The following WDPCP variants were observed in gnomAD, a reference collection of about 807,000 sequenced individuals.
WDPCP encodes WD repeat-containing and planar cell polarity effector protein fritz homolog.
Under a neutral mutation model 93.1 loss-of-function variants are expected in WDPCP, and 71 were observed. The observed-to-expected ratio is 0.76, with a 90% CI of 0.63 to 0.93. The LOEUF is 0.93. Ranked by LOEUF, WDPCP falls within the 40% of genes least tolerant of loss-of-function variation. The pLI, the probability that WDPCP is intolerant of heterozygous loss-of-function variation, is 0.00. For missense variants in WDPCP, 844 were observed against 887.4 expected (o/e 0.95, Z 0.62); for synonymous variants, 315 against 315.0 (o/e 1.00, Z 0.00).
intron 2 of WDPCP, among the ~76,000 whole-genome samples, chr2:63,706,677 C>T (rs1264078685): frequency 4.6e-5 from 6 of 129,800 alleles, no homozygotes; most frequent in African/African-American, 5.9e-5. Flanking sequence ...ACTGCAGTGG[C>T]GCAATCTCGG....
intron 7 of WDPCP, among the ~76,000 whole-genome samples, chr2:63,438,318 C>A (rs1175725799): frequency 7.4e-6 from 1 of 135,394 alleles, no homozygotes; most frequent in Admixed American, 7.3e-5. Context: ...CCTGACCATA[C>A]AAACAGTGAC....
intron 14 of WDPCP, among the ~76,000 whole-genome samples, chr2:63,238,772 G>T (rs760659897): frequency 2.6e-5 from 4 of 152,114 alleles, no homozygotes; most frequent in Non-Finnish European, 4.4e-5. Flanking sequence ...GTAGAATAGG[G>T]GAGTAATAGG....
At chr2:63,297,817 A>T (rs1684986129) in intron 13 of WDPCP, among the ~76,000 whole-genome samples, 1 of 152,220 alleles carries the variant, frequency 6.6e-6, no homozygotes, top group African/African-American at 2.4e-5. Context: ...GTTTTAACTA[A>T]TGCACAGGTT....
intron 11 of WDPCP, among the ~76,000 whole-genome samples, chr2:63,380,520 C>T (rs764778328): frequency 7.2e-5 from 11 of 151,998 alleles, no homozygotes; most frequent in Non-Finnish European, 1.5e-4. Flanking sequence ...GCAGGCAGAT[C>T]ACTTGAGGCC....
At chr2:63,588,070 T>G in intron 1 of WDPCP, 127 bp downstream of exon 1, 1 of 1,192,184 alleles carries the variant, frequency 8.4e-7, no homozygotes. Flanking sequence ...CATACTCCGC[T>G]CAGAAAAGGG....
intron 3 of WDPCP, 46 bp downstream of exon 3, chr2:63,487,401 G>T: frequency 7.4e-7 from 1 of 1,351,610 alleles, no homozygotes; most frequent in Non-Finnish European, 1.1e-6. Flanking sequence ...TCATGGTTTA[G>T]AATATTTAGT....
intron 2 of WDPCP, among the ~76,000 whole-genome samples, chr2:63,745,670 T>A (rs995983292): frequency 3.4e-5 from 5 of 148,272 alleles, no homozygotes; most frequent in Admixed American, 6.7e-5. Flanking sequence ...ACACACACAC[T>A]TGTACTCCAT....
At chr2:63,693,504 G>A (rs989093540) in intron 2 of WDPCP, among the ~76,000 whole-genome samples, 2 of 150,920 alleles carry the variant, frequency 1.3e-5, no homozygotes, top group African/African-American at 2.4e-5. Flanking sequence ...TGGAGGTGGT[G>A]GGAGTTGAAT....
In WDPCP at chr2:63,171,069, A is replaced by T. The variant is rs181178656; in HGVS notation, c.2078+3601T>A. On this transcript the variant is annotated intron_variant, in intron 15 of 17. Coordinates refer to ENST00000272321, the MANE Select transcript of WDPCP (RefSeq NM_015910.7). Reference sequence around the variant, plus strand: ...TTATTCACATCCTACATAAAAATTAACTCAAAATGGACTTTAAGAGCTGGA... The same window carrying T: ...TTATTCACATCCTACATAAAAATTATCTCAAAATGGACTTTAAGAGCTGGA... Among the ~76,000 whole-genome samples the T allele has an allele frequency of 1.1e-4, 16 of 152,278 alleles. No individual in the cohort carries two copies. The East Asian group carries it at 2.9e-3, about 28-fold the overall frequency.
intron 1 of WDPCP, among the ~76,000 whole-genome samples, chr2:63,516,528 C>T (rs1702561995): frequency 6.6e-6 from 1 of 152,114 alleles, no homozygotes; most frequent in Admixed American, 6.5e-5. Flanking sequence ...GGTAGCCAGC[C>T]ACTGTGTTGT....
chr2:63,809,476 A>G (rs1457522030), intron 2 of WDPCP, among the ~76,000 whole-genome samples: 3 of 152,046 alleles, frequency 2.0e-5, no homozygotes, highest in African/African-American at 4.8e-5. Flanking sequence ...CAAAGGGGGG[A>G]AAGGTGGGGA....
At chr2:63,580,161 C>T (rs1708402150) in intron 1 of WDPCP, among the ~76,000 whole-genome samples, 1 of 152,070 alleles carries the variant, frequency 6.6e-6, no homozygotes, top group African/African-American at 2.4e-5. Flanking sequence ...GTAGGAGCAG[C>T]AAACAAAGGC....
chr2:63,293,872 T>C (rs1684633405), intron 13 of WDPCP, among the ~76,000 whole-genome samples: 1 of 152,004 alleles, frequency 6.6e-6, no homozygotes, highest in Non-Finnish European at 1.5e-5. Flanking sequence ...ACCTGAGACA[T>C]ACCATCAAGC....
chr2:63,529,191 T>C (rs961774431), intron 1 of WDPCP, among the ~76,000 whole-genome samples: 8 of 152,294 alleles, frequency 5.3e-5, no homozygotes, highest in Non-Finnish European at 7.4e-5. Context: ...CTTTTCCTAA[T>C]TGAATACCCT....
intron 9 of WDPCP, among the ~76,000 whole-genome samples, chr2:63,417,424 C>A (rs1022832618): frequency 2.6e-5 from 4 of 151,870 alleles, no homozygotes; most frequent in Admixed American, 2.6e-4. Flanking sequence ...TCTTTAATTT[C>A]ATAATTTTAA....
intron 1 of WDPCP, among the ~76,000 whole-genome samples, chr2:63,819,127 A>T (rs1473739223): frequency 6.6e-6 from 1 of 152,208 alleles, no homozygotes; most frequent in African/African-American, 2.4e-5. Flanking sequence ...ACACTTAATT[A>T]TGACTTAATT....
chr2:63,220,744 T>C (rs572518535), intron 14 of WDPCP, among the ~76,000 whole-genome samples: 3 of 152,288 alleles, frequency 2.0e-5, no homozygotes, highest in African/African-American at 7.2e-5. Context: ...ACGTGCAGGA[T>C]GTGCAGGTTT....
At chr2:63,658,776 G>A (rs1345117569) in intron 2 of WDPCP, among the ~76,000 whole-genome samples, 1 of 152,134 alleles carries the variant, frequency 6.6e-6, no homozygotes, top group African/African-American at 2.4e-5. Flanking sequence ...CCTGAGAAAT[G>A]CTGACATGTT....
At chr2:63,272,534 A>G (rs1040445857) in intron 13 of WDPCP, among the ~76,000 whole-genome samples, 1 of 152,242 alleles carries the variant, frequency 6.6e-6, no homozygotes, top group African/African-American at 2.4e-5. Context: ...CTGAAAGAGG[A>G]TTCAAAATAA....
Sources: gnomAD v4.1 joint callset for allele counts (sites outside exome capture counted in the v4.1 genomes callset) on GRCh38, gnomAD v4.1.1 for gene constraint, MANE v1.5 for transcripts, NCBI Gene and HGNC (gene_info 2026-07-23, HGNC 2026-07-21) for gene names.